Variants in TLE3 observed in about 807,000 individuals in gnomAD.
TLE3 encodes the protein transducin-like enhancer protein 3.
TLE3 carries 14 observed loss-of-function variants against 93.0 expected under a neutral mutation model. The ratio of observed to expected loss-of-function variants is 0.15; its 90% CI spans 0.10 to 0.24. TLE3 has a LOEUF of 0.24. Among genes scored for constraint, TLE3 ranks in the 10% least tolerant of loss-of-function variants. The probability of loss-of-function intolerance (pLI) is 1.00; values close to 1 mark genes in which losing one functional copy is unlikely to be tolerated. For synonymous variants in TLE3, 451 were observed against 425.0 expected (o/e 1.06, Z -0.75); for missense variants, 693 against 1,046.6 (o/e 0.66, Z 4.66).
At chr15:70,087,891 T>G (rs2058104976) in intron 4 of TLE3, among the ~76,000 whole-genome samples, 1 of 152,202 alleles carries the variant, frequency 6.6e-6, no homozygotes, top group South Asian at 2.1e-4. Context: ...ATCTGCCGGG[T>G]GGACTAGCCG....
In TLE3 at chr15:70,088,693, T is replaced by C. The variant is rs188803889; in HGVS notation, c.234+5839A>G. On this transcript the variant is annotated intron_variant, in intron 4 of 19. Coordinates refer to ENST00000451782, the MANE Select transcript of TLE3 (RefSeq NM_001105192.3). ...CTATTTTGCTGGCTGCTATCATTAA[T>C]AGCAAAGTGGAGAGCTGGGCTGATG... Among the ~76,000 whole-genome samples the C allele has an allele frequency of 9.3e-5, 14 of 150,262 alleles. No homozygotes were observed. The East Asian group carries it at 2.8e-3, about 30-fold the overall frequency.
chr15:70,060,489 C>G (rs1179920474), intron 9 of TLE3, 41 bp downstream of exon 9: 1 of 1,610,868 alleles, frequency 6.2e-7, no homozygotes, highest in Non-Finnish European at 8.5e-7. Context: ...CCTGCCCTAC[C>G]CAACAGAAAC....
chr15:70,086,699 T>C (rs144530502), intron 4 of TLE3, among the ~76,000 whole-genome samples: 18 of 152,226 alleles, frequency 1.2e-4, no homozygotes, highest in Non-Finnish European at 2.1e-4. Flanking sequence ...CTGTGAACAA[T>C]AGTCAAACTT....
At chr15:70,073,977 G>A (rs2057312430) in intron 6 of TLE3, among the ~76,000 whole-genome samples, 1 of 152,264 alleles carries the variant, frequency 6.6e-6, no homozygotes, top group African/African-American at 2.4e-5. Context: ...AGGAAAACCA[G>A]TCTCAGCTCC....
chr15:70,096,827 G>A lies in TLE3; in HGVS notation c.-29C>T, dbSNP rs776002378. ...AGGGAGGGGTCGTGATTCCGAGAGC[G>A]TGGAAGCGCCGAGAGCCCGGGCCGG... On this transcript the variant is annotated 5_prime_UTR_variant, in exon 1 of 20. The change creates a new upstream start codon in the 5' untranslated region. Transcript: ENST00000451782. The A allele has an allele frequency of 2.5e-6, 4 of 1,608,168 alleles. No homozygotes were observed. The highest frequency in any genetic ancestry group is 4.5e-5 in the East Asian group (2 of 44,340).
chr15:70,090,889 G>A (rs1339300867), intron 4 of TLE3, among the ~76,000 whole-genome samples: 3 of 152,234 alleles, frequency 2.0e-5, no homozygotes, highest in Non-Finnish European at 4.4e-5. Flanking sequence ...TTGGACTTTG[G>A]TGGGGCCAGT....
At chr15:70,071,137 G>A (rs555246454) in intron 6 of TLE3, among the ~76,000 whole-genome samples, 27 of 152,280 alleles carry the variant, frequency 1.8e-4, no homozygotes, top group African/African-American at 6.3e-4. Flanking sequence ...ATCTGCTTGG[G>A]AAATATAGAT....
At position 70,049,377 on chromosome 15, in the gene TLE3, G is replaced by C. The variant is rs931071452; in HGVS notation, c.*720C>G. 6.6e-6 allele frequency: 1 copy of C among 152,214 alleles called. No individual in the cohort carries two copies. The highest frequency in any genetic ancestry group is 2.4e-5 in the African/African-American group (1 of 41,440). 9.4% of individuals were successfully genotyped at this position (152,214 alleles called of 1,614,324 possible). On this transcript the variant is annotated 3_prime_UTR_variant, in exon 20 of 20. Transcript: ENST00000451782. ...GTTATCAGTCCGGATGCCCAGACCC[G>C]TGTGGAGGCACACGCATTCCAGCAG...
At chr15:70,090,010 C>A (rs187198708) in intron 4 of TLE3, among the ~76,000 whole-genome samples, 1 of 152,308 alleles carries the variant, frequency 6.6e-6, no homozygotes, top group Non-Finnish European at 1.5e-5. Context: ...TTGCTCATCT[C>A]CCAGGGTCAT....
intron 4 of TLE3, among the ~76,000 whole-genome samples, chr15:70,089,655 A>G (rs565871863): frequency 5.1e-4 from 78 of 152,346 alleles, no homozygotes; most frequent in African/African-American, 1.9e-3. Context: ...GGCTTCCTTC[A>G]TACCTACAAA....
Position 70,074,769 on chromosome 15 carries a change from T to C in TLE3, c.298-162A>G, listed in dbSNP as rs546486559. Among the ~76,000 whole-genome samples, 85 of 152,324 alleles carry C rather than the reference T, an allele frequency of 5.6e-4. 1 individual carries two copies. The highest frequency in any genetic ancestry group is 3.4e-3 in the Middle Eastern group (1 of 294). On this transcript the variant is annotated intron_variant, in intron 5 of 19. Transcript: ENST00000451782. ...AGTAGGGGGGAGGGTGACAGGCGATTTTACTTTCTCTTTTAGACCTTTTTC... is the reference window on the plus strand; with the variant it reads ...AGTAGGGGGGAGGGTGACAGGCGATCTTACTTTCTCTTTTAGACCTTTTTC...
chr15:70,081,380 G>C (rs2057769755), intron 4 of TLE3, among the ~76,000 whole-genome samples: 1 of 152,260 alleles, frequency 6.6e-6, no homozygotes, highest in Admixed American at 6.5e-5. Context: ...ATGGATGCTG[G>C]CTGGTTGCTG....
chr15:70,074,374 T>A, intron 6 of TLE3, 159 bp downstream of exon 6: 2 of 829,574 alleles, frequency 2.4e-6, no homozygotes, highest in Non-Finnish European at 3.7e-6. Flanking sequence ...GAAACAGCCC[T>A]ACATGGGTCC....
At chr15:70,056,760 C>CTTTATA (rs2056069046) in intron 13 of TLE3, among the ~76,000 whole-genome samples, 1 of 152,132 alleles carries the variant, frequency 6.6e-6, no homozygotes, top group Admixed American at 6.5e-5. Context: ...CCTAACTCTT[C>CTTTATA]TTTTTATTTT....
Position 70,054,541 on chromosome 15 carries a change from C to T in TLE3, c.1723G>A (p.Ala575Thr). 2 of 1,614,020 alleles carry T rather than the reference C, an allele frequency of 1.2e-6. No individual in the cohort carries two copies. The highest frequency in any genetic ancestry group is 1.7e-6 in the Non-Finnish European group (2 of 1,179,900). ...IKAELTSSAP[A>T]CYALAISPDA... ...GGGCTAATGGCCAGGGCATAACAGG[C>T]GGGAGCCGAGGACGTCAGCTCGGCC... The change falls in exon 16 of 20, where the codon GCC becomes ACC. Residue 575 changes from alanine (A) to threonine (T), a missense_variant. Transcript: ENST00000451782.
In TLE3 at chr15:70,097,705, C is replaced by A; in HGVS notation, c.-907G>T. On this transcript the variant is annotated 5_prime_UTR_variant, in exon 1 of 20. Transcript: ENST00000451782. The stretch of plus-strand genomic sequence containing the variant: ...AGACGCAGCCCGAGACCGGGGAGCT[C>A]TACGGCTTCCTTCCTTCCCCTCGGC... 2.5e-6 allele frequency: 1 copy of A among 396,988 alleles called. No homozygotes were observed. Among genetic ancestry groups the A allele is most frequent in the South Asian group, 1.3e-4 (1 of 7,764 alleles). The allele number at this position is 396,988 out of a possible 1,614,324, so 24.6% of individuals were successfully genotyped here.
At chr15:70,054,976 TCTCC>T (rs2055892801) in intron 15 of TLE3, 69 bp downstream of exon 15, 1 of 1,507,698 alleles carries the variant, frequency 6.6e-7, no homozygotes, top group African/African-American at 1.4e-5. Flanking sequence ...GCCCTGGGGC[TCTCC>T]CCTGTGGCCC....
chr15:70,094,467 T>G, intron 4 of TLE3, 65 bp downstream of exon 4: 1 of 1,243,332 alleles, frequency 8.0e-7, no homozygotes, highest in South Asian at 1.4e-5. Context: ...AGAGAGAACA[T>G]AAGAAGTCCA....
chr15:70,082,260 T>C (rs1231542019), intron 4 of TLE3, among the ~76,000 whole-genome samples: 1 of 152,108 alleles, frequency 6.6e-6, no homozygotes, highest in Non-Finnish European at 1.5e-5. Context: ...AGTTTCTCCT[T>C]AGGCCGAGCT....
Sources: gnomAD v4.1 joint callset for allele counts (sites outside exome capture counted in the v4.1 genomes callset) on GRCh38, gnomAD v4.1.1 for gene constraint, MANE v1.5 for transcripts, NCBI Gene and HGNC (gene_info 2026-07-23, HGNC 2026-07-21) for gene names.